UTRN: variants seen among roughly 807,000 people sequenced by gnomAD.
UTRN encodes utrophin, also known as dystrophin-related protein 1.
UTRN carries 283 observed loss-of-function variants against 463.9 expected under a neutral mutation model. The ratio of observed to expected loss-of-function variants is 0.61; its 90% CI spans 0.55 to 0.67. The LOEUF is 0.67. Ranked by LOEUF, UTRN falls within the 30% of genes least tolerant of loss-of-function variation. The pLI is 0.00. For synonymous variants in UTRN, 1,442 were observed against 1,431.5 expected (o/e 1.01, Z -0.17); for missense variants, 3,922 against 4,084.3 (o/e 0.96, Z 1.08).
rs368283881 is a variant in UTRN, at chr6:144,474,723, T to C, written c.3300T>C (p.Gly1100=). 3 of 1,613,816 alleles carry C rather than the reference T, an allele frequency of 1.9e-6. No individual in the cohort carries two copies. The highest frequency in any genetic ancestry group is 1.3e-5 in the African/African-American group (1 of 75,036). The stretch of plus-strand genomic sequence containing the variant: ...AAACTTGGGTGCAGACAAGACTAGG[T>C]GACTACCAAACTCAACTGGAGAAAC... ...GIKTWVQTRL[G]DYQTQLEKLS... is the part of the protein sequence containing the mutation. The change falls in exon 25 of 75, where the codon GGT becomes GGC. Residue 1100 remains glycine, a synonymous_variant. Transcript: ENST00000367545.
Position 144,437,643 on chromosome 6 carries a change from G to A in UTRN, c.1138G>A (p.Gly380Arg), listed in dbSNP as rs776165919. Residue 380 changes from glycine (G) to arginine (R), a missense_variant, in exon 11 of 75, where the codon GGA becomes AGA. Gly to Arg is a moderately radical substitution (Grantham distance 125). Transcript: ENST00000367545. ...GGCAGGCAACCAACTGATAACACAA[G>A]GAACTCTGTCAGACGAAGAAGAATT... ...LQAGNQLITQGTLSDEEEFEI... is the reference protein window; with the variant it reads ...LQAGNQLITQRTLSDEEEFEI... 1.9e-5 allele frequency: 30 copies of A among 1,614,102 alleles called. 1 individual carries two copies. The South Asian group carries it at 3.0e-4, about 16-fold the overall frequency.
At chr6:144,473,626 A>G (rs1391680602) in intron 23 of UTRN, 94 bp from the exon 24 acceptor site, 1 of 854,190 alleles carries the variant, frequency 1.2e-6, no homozygotes, top group South Asian at 2.0e-5. Context: ...TCGGAGCTTT[A>G]AAAAGTTCCT....
In UTRN at chr6:144,522,076, T is replaced by A. The variant is rs12204715; in HGVS notation, c.5638T>A (p.Leu1880Ile). The change falls in exon 40 of 75, where the codon TTA (leucine) becomes ATA (isoleucine). Residue 1880 changes from leucine (L) to isoleucine (I), a missense_variant. Physicochemically the swap from Leu to Ile is conservative, Grantham distance 5. Transcript: ENST00000367545. Reference protein sequence around the residue: ...TDYLVEINKILLCMDDVELSL... With the variant: ...TDYLVEINKIILCMDDVELSL... Reference sequence around the variant, plus strand: ...TTATCTGGTTGAAATTAACAAAATTTTACTTTGCATGGATGATGTTGAATT... The same window carrying A: ...TTATCTGGTTGAAATTAACAAAATTATACTTTGCATGGATGATGTTGAATT... 2,649 of 1,595,326 alleles carry A rather than the reference T, an allele frequency of 1.7e-3. 2 individuals are homozygous for A. The highest frequency in any genetic ancestry group is 2.1e-3 in the Non-Finnish European group (2,436 of 1,172,210).
intron 51 of UTRN, among the ~76,000 whole-genome samples, chr6:144,633,227 C>CTTTTTTTT (rs34812473): frequency 7.6e-6 from 1 of 131,742 alleles, no homozygotes; most frequent in African/African-American, 2.9e-5. Context: ...ACTACTTCTC[C>CTTTTTTTT]TTTTTTTTTT....
At chr6:144,485,589 A>T (rs1245254215) in intron 28 of UTRN, 70 bp downstream of exon 28, 1 of 1,585,198 alleles carries the variant, frequency 6.3e-7, no homozygotes, top group Non-Finnish European at 8.6e-7. Flanking sequence ...ACAATGAGGA[A>T]TGTAATGCTT....
intron 17 of UTRN, 108 bp downstream of exon 17, chr6:144,448,877 T>A: frequency 8.0e-7 from 1 of 1,249,000 alleles, no homozygotes. Context: ...CTAGACATAA[T>A]AAGTATTATT....
intron 27 of UTRN, among the ~76,000 whole-genome samples, chr6:144,485,049 C>T (rs1792292636): frequency 6.6e-6 from 1 of 151,852 alleles, no homozygotes; most frequent in Non-Finnish European, 1.5e-5. Flanking sequence ...GTAGCTGGGA[C>T]TACAGGCATC....
intron 43 of UTRN, among the ~76,000 whole-genome samples, chr6:144,534,379 G>A (rs1037688391): frequency 5.3e-5 from 8 of 152,160 alleles, no homozygotes; most frequent in Admixed American, 3.9e-4. Context: ...CTCATAGAAA[G>A]TAAGTGATCA....
intron 53 of UTRN, among the ~76,000 whole-genome samples, chr6:144,727,250 A>G: frequency 6.6e-6 from 1 of 152,024 alleles, no homozygotes; most frequent in East Asian, 1.9e-4. Context: ...ATCTTTCCAC[A>G]TTATTGCCTA....
chr6:144,396,168 A>G (rs1174838465), intron 2 of UTRN, among the ~76,000 whole-genome samples: 2 of 152,164 alleles, frequency 1.3e-5, no homozygotes, highest in Non-Finnish European at 2.9e-5. Context: ...TGTAGTTTAT[A>G]CACACAATGG....
chr6:144,779,233 T>A (rs1483930012), intron 60 of UTRN, among the ~76,000 whole-genome samples: 1 of 152,204 alleles, frequency 6.6e-6, no homozygotes, highest in Non-Finnish European at 1.5e-5. Context: ...CTTTTGGCCA[T>A]ATTTGAATAT....
chr6:144,456,033 T>C (rs751354456), intron 19 of UTRN, among the ~76,000 whole-genome samples: 64 of 152,214 alleles, frequency 4.2e-4, no homozygotes, highest in Middle Eastern at 6.8e-3. Flanking sequence ...TTTTCAAGCA[T>C]TGGTGGAATT....
intron 54 of UTRN, among the ~76,000 whole-genome samples, chr6:144,732,215 T>TAC (rs1788617341): frequency 3.4e-5 from 1 of 29,238 alleles, no homozygotes; most frequent in Admixed American, 7.7e-4. Context: ...TACTCTGTTT[T>TAC]ATATATATAT....
chr6:144,312,423 C>CAAA (rs59056805), intron 2 of UTRN, among the ~76,000 whole-genome samples: 28 of 86,030 alleles, frequency 3.3e-4, no homozygotes, highest in Non-Finnish European at 6.9e-4. Context: ...GACTCCATCT[C>CAAA]AAAAAAAAAA....
chr6:144,779,135 G>T (rs1446681854), intron 60 of UTRN, among the ~76,000 whole-genome samples: 1 of 152,174 alleles, frequency 6.6e-6, no homozygotes. Flanking sequence ...TTGGAATTTG[G>T]TCTGTTGTCA....
chr6:144,605,629 T>C (rs769569402), intron 51 of UTRN, among the ~76,000 whole-genome samples: 1 of 151,958 alleles, frequency 6.6e-6, no homozygotes, highest in Non-Finnish European at 1.5e-5. Context: ...GCTACAGTCC[T>C]ATTTCTTGCA....
intron 2 of UTRN, among the ~76,000 whole-genome samples, chr6:144,301,915 G>T (rs762818839): frequency 3.3e-5 from 5 of 152,078 alleles, no homozygotes; most frequent in Non-Finnish European, 7.4e-5. Flanking sequence ...GGCACCAGGT[G>T]AAGACTGCCC....
intron 2 of UTRN, among the ~76,000 whole-genome samples, chr6:144,331,712 G>A (rs768943797): frequency 2.0e-5 from 3 of 152,182 alleles, no homozygotes; most frequent in African/African-American, 4.8e-5. Flanking sequence ...ATTCAGCAGC[G>A]TGGTAAGACG....
intron 51 of UTRN, among the ~76,000 whole-genome samples, chr6:144,617,043 C>T (rs920024084): frequency 6.6e-6 from 1 of 152,130 alleles, no homozygotes; most frequent in Non-Finnish European, 1.5e-5. Flanking sequence ...TCAAGCAGAA[C>T]TTGTGCCATA....
Sources: gnomAD v4.1 joint callset for allele counts (sites outside exome capture counted in the v4.1 genomes callset) on GRCh38, gnomAD v4.1.1 for gene constraint, MANE v1.5 for transcripts, NCBI Gene and HGNC (gene_info 2026-07-23, HGNC 2026-07-21) for gene names.